The following CEP120 variants were observed in gnomAD, a reference collection of about 807,000 sequenced individuals.
CEP120 encodes the protein centrosomal protein of 120 kDa.
CEP120 carries 113 observed loss-of-function variants against 126.5 expected under a neutral mutation model. The ratio of observed to expected loss-of-function variants is 0.89; its 90% CI spans 0.77 to 1.04. The LOEUF (loss-of-function observed/expected upper bound fraction) is 1.04, where lower values mean the gene tolerates loss of function less well. Among genes scored for constraint, CEP120 ranks in the 50% least tolerant of loss-of-function variants. The pLI is 0.00. For missense variants in CEP120, 1,230 were observed against 1,155.7 expected, an observed-to-expected ratio of 1.06 and a Z score of -0.93; for synonymous variants, 400 against 394.3, an observed-to-expected ratio of 1.01 and a Z score of -0.17.
chr5:123,404,032 T>A (rs538514792), intron 4 of CEP120, among the ~76,000 whole-genome samples: 1 of 152,356 alleles, frequency 6.6e-6, no homozygotes, highest in Non-Finnish European at 1.5e-5. Flanking sequence ...TGTGTTAATA[T>A]ATTGATGTAA....
chr5:123,417,714 GA>G (rs568218795), intron 2 of CEP120, among the ~76,000 whole-genome samples: 58 of 141,772 alleles, frequency 4.1e-4, no homozygotes, highest in African/African-American at 6.9e-4. Flanking sequence ...CACACATTAG[GA>G]AAAAAAAAAA....
intron 17 of CEP120, among the ~76,000 whole-genome samples, chr5:123,368,032 A>G (rs1236627867): frequency 6.6e-6 from 1 of 151,960 alleles, no homozygotes; most frequent in East Asian, 1.9e-4. Flanking sequence ...ATGCTGGATG[A>G]ATGTATTAAG....
intron 18 of CEP120, among the ~76,000 whole-genome samples, chr5:123,355,588 T>G (rs1335867966): frequency 6.6e-6 from 1 of 152,232 alleles, no homozygotes; most frequent in African/African-American, 2.4e-5. Context: ...TGTCTTCTTT[T>G]GGGAAGTGTC....
intron 3 of CEP120, among the ~76,000 whole-genome samples, chr5:123,413,283 A>T (rs1774182376): frequency 6.6e-6 from 1 of 151,604 alleles, no homozygotes; most frequent in African/African-American, 2.4e-5. Flanking sequence ...AAAAAAAAAT[A>T]ATAATAATAA....
Position 123,367,460 on chromosome 5 carries a change from A to G in CEP120, c.2482-2866T>C, listed in dbSNP as rs1179984209. On this transcript the variant is annotated intron_variant, in intron 17 of 19. Coordinates refer to ENST00000306467, the MANE Select transcript of CEP120 (RefSeq NM_001375405.1). ...TCCCTAATCCAAAAATCCAAAATCC[A>G]AAGTGTTCCAAAATCCAATACCTTT... Among the ~76,000 whole-genome samples, 5 of 151,884 alleles carry G rather than the reference A, an allele frequency of 3.3e-5. No individual in the cohort carries two copies. The South Asian group carries it at 1.0e-3, about 31-fold the overall frequency.
rs562041233 is a variant in CEP120 at position 123,400,450 on chromosome 5, T to C, written c.464-1166A>G. On this transcript the variant is annotated intron_variant, in intron 4 of 19. Coordinates refer to ENST00000306467, the MANE Select transcript of CEP120 (RefSeq NM_001375405.1). ...CTTAGAAGTTAAAATAAGTATGACA[T>C]GTTCTCACTGACAGGGAAGGGAGTT... 1.0e-3 allele frequency among the ~76,000 whole-genome samples: 152 copies of C among 152,212 alleles called. No homozygotes were observed. The Middle Eastern group carries it at 0.014, about 14-fold the overall frequency.
intron 18 of CEP120, among the ~76,000 whole-genome samples, chr5:123,362,731 T>C (rs1005224997): frequency 2.6e-5 from 4 of 151,666 alleles, no homozygotes. Context: ...TTCTCTTTCC[T>C]AAACATAAGA....
At chr5:123,380,385 T>C (rs1452018439) in intron 14 of CEP120, among the ~76,000 whole-genome samples, 2 of 152,112 alleles carry the variant, frequency 1.3e-5, no homozygotes, top group Admixed American at 6.6e-5. Flanking sequence ...ACCTTTATCA[T>C]ATGACTAATT....
Position 123,349,946 on chromosome 5 carries a change from G to A in CEP120, c.2724C>T (p.Asn908=). Residue 908 remains asparagine, a splice_region_variant and synonymous_variant, in exon 19 of 20, where the codon AAC becomes AAT. Coordinates refer to ENST00000306467, the MANE Select transcript of CEP120 (RefSeq NM_001375405.1). ...QELLDIRNEL[N]RLRQQEQKQY... is the part of the protein sequence containing the mutation. Reference sequence around the variant, plus strand: ...AGAAACACTTTTAGTTATTATACCTGTTCAATTCATTTCTTATATCCAACA... The same window carrying A: ...AGAAACACTTTTAGTTATTATACCTATTCAATTCATTTCTTATATCCAACA... 6.2e-7 allele frequency: 1 copy of A among 1,612,638 alleles called. No individual in the cohort carries two copies. The highest frequency in any genetic ancestry group is 8.5e-7 in the Non-Finnish European group (1 of 1,179,516).
intron 18 of CEP120, 123 bp from the exon 19 acceptor site, chr5:123,350,212 C>CTT: frequency 1.3e-5 from 9 of 671,040 alleles, no homozygotes; most frequent in South Asian, 2.4e-5. Flanking sequence ...ACTGCCAATT[C>CTT]TTTTTTTTTT....
intron 18 of CEP120, among the ~76,000 whole-genome samples, chr5:123,354,077 G>A (rs971650490): frequency 1.3e-5 from 2 of 152,058 alleles, no homozygotes; most frequent in Admixed American, 6.6e-5. Context: ...TCTAAGCACA[G>A]CTTTCACTAA....
intron 3 of CEP120, among the ~76,000 whole-genome samples, chr5:123,415,549 T>G (rs911442723): frequency 5.4e-4 from 83 of 152,342 alleles, no homozygotes; most frequent in African/African-American, 1.9e-3. Context: ...GTTGAGATTT[T>G]CTAAATCTAA....
intron 3 of CEP120, among the ~76,000 whole-genome samples, chr5:123,414,357 A>G (rs1343195777): frequency 2.0e-5 from 3 of 152,190 alleles, no homozygotes; most frequent in Admixed American, 6.5e-5. Flanking sequence ...GGATGGGGGG[A>G]AAACAAATCC....
At position 123,418,427 on chromosome 5, in the gene CEP120, G is replaced by GT; in HGVS notation, c.137dup (p.His46GlnfsTer3). ...CAGTAGCAAATTCTGGCTGGTCAGT[G>GT]TGGTCCACAGGATCAGTAGCCAACT... is the stretch of plus-strand genomic sequence containing the variant. On this transcript the variant is annotated frameshift_variant, in exon 2 of 20. Transcript: ENST00000306467. LOFTEE classifies it high-confidence loss of function. 2 of 1,613,066 alleles carry GT rather than the reference G, an allele frequency of 1.2e-6. No homozygotes were observed. Among genetic ancestry groups the GT allele is most frequent in the South Asian group, 2.2e-5 (2 of 91,012 alleles).
intron 18 of CEP120, among the ~76,000 whole-genome samples, chr5:123,358,781 T>C (rs1475659459): frequency 6.6e-6 from 1 of 151,924 alleles, no homozygotes; most frequent in East Asian, 1.9e-4. Context: ...ATCAAGTGAG[T>C]ATAATCTTTA....
At chr5:123,411,691 G>C (rs1774067489) in intron 4 of CEP120, among the ~76,000 whole-genome samples, 1 of 152,312 alleles carries the variant, frequency 6.6e-6, no homozygotes, top group East Asian at 1.9e-4. Flanking sequence ...GATGGGAGGA[G>C]GGAGGAATGA....
At position 123,372,477 on chromosome 5, in the gene CEP120, T is replaced by G. The variant is rs187983785; in HGVS notation, c.2481+173A>C. Among the ~76,000 whole-genome samples the G allele has an allele frequency of 2.8e-3, 424 of 152,230 alleles. 2 individuals are homozygous for G. The highest frequency in any genetic ancestry group is 4.0e-3 in the Non-Finnish European group (269 of 67,972). Reference sequence around the variant, plus strand: ...TAATCTGTATAAGCTACAACTGACATAAGCCAAGAAATTCAAGTACTAATA... The same window carrying G: ...TAATCTGTATAAGCTACAACTGACAGAAGCCAAGAAATTCAAGTACTAATA... On this transcript the variant is annotated intron_variant, in intron 17 of 19. Coordinates refer to ENST00000306467, the MANE Select transcript of CEP120 (RefSeq NM_001375405.1).
chr5:123,399,961 A>C (rs1434486135), intron 4 of CEP120, among the ~76,000 whole-genome samples: 1 of 152,248 alleles, frequency 6.6e-6, no homozygotes, highest in Admixed American at 6.5e-5. Flanking sequence ...AAAACAAAAA[A>C]CATACACAAC....
intron 7 of CEP120, 122 bp downstream of exon 7, chr5:123,390,988 G>C: frequency 1.4e-6 from 1 of 695,448 alleles, no homozygotes; most frequent in Admixed American, 3.0e-5. Context: ...ATATAACAAA[G>C]GTCACTAATT....
Sources: allele counts gnomAD v4.1 joint callset (sites outside exome capture counted in the v4.1 genomes callset), GRCh38; gene constraint gnomAD v4.1.1; transcripts MANE v1.5; gene names NCBI Gene and HGNC (gene_info 2026-07-23, HGNC 2026-07-21).